The following PSD3 variants were observed in gnomAD, a reference collection of about 807,000 sequenced individuals.
The protein encoded by PSD3 is pleckstrin and Sec7 domain containing 3.
In PSD3, 49 loss-of-function variants were observed where a neutral mutation model predicts 105.5. The observed-to-expected ratio is 0.46, with a 90% CI of 0.37 to 0.59. The LOEUF (loss-of-function observed/expected upper bound fraction) is 0.59. PSD3 is among the 20% of genes least tolerant of loss of function. The pLI is 0.00. For synonymous variants in PSD3, 557 were observed against 457.8 expected (o/e 1.22, Z -2.77); for missense variants, 1,561 against 1,263.8 (o/e 1.24, Z -3.57).
chr8:18,628,772 G>A (rs1226100450), intron 11 of PSD3, among the ~76,000 whole-genome samples: 1 of 151,834 alleles, frequency 6.6e-6, no homozygotes, highest in Non-Finnish European at 1.5e-5. Context: ...AATTAAAGAT[G>A]TACACTGTAA....
At chr8:18,542,189 C>T (rs991265992) in intron 15 of PSD3, among the ~76,000 whole-genome samples, 10 of 152,162 alleles carry the variant, frequency 6.6e-5, no homozygotes, top group Non-Finnish European at 8.8e-5. Flanking sequence ...GGTCTCATTA[C>T]AATTCATTAC....
chr8:18,743,845 G>C (rs1039148739), intron 9 of PSD3, among the ~76,000 whole-genome samples: 1 of 151,606 alleles, frequency 6.6e-6, no homozygotes, highest in Admixed American at 6.6e-5. Flanking sequence ...GCTACTTTGA[G>C]GGGGGAGGTT....
At chr8:18,747,895 G>C (rs1805159758) in intron 9 of PSD3, among the ~76,000 whole-genome samples, 1 of 152,126 alleles carries the variant, frequency 6.6e-6, no homozygotes, top group African/African-American at 2.4e-5. Flanking sequence ...AGCACTTCAG[G>C]TTTCGGTGGA....
rs1054416283 is a variant in PSD3, at chr8:18,627,705, A to G, written c.2410+4908T>C. 8.5e-5 allele frequency among the ~76,000 whole-genome samples: 13 copies of G among 152,098 alleles called. No homozygotes were observed. The Middle Eastern group carries it at 0.01, about 119-fold the overall frequency. On this transcript the variant is annotated intron_variant, in intron 11 of 15. Transcript: ENST00000327040. ...GTTACTTACCCGCACACCAGGAGAA[A>G]ATCCAGTGTTTTTTTTAGATGAATA...
intron 1 of PSD3, among the ~76,000 whole-genome samples, chr8:18,971,096 G>GA (rs1459534841): frequency 2.0e-5 from 3 of 152,068 alleles, no homozygotes; most frequent in South Asian, 2.1e-4. Flanking sequence ...AGGCAGGAAT[G>GA]AAAAAACCCC....
At chr8:18,808,209 T>C (rs543742553) in intron 4 of PSD3, among the ~76,000 whole-genome samples, 135 of 152,346 alleles carry the variant, frequency 8.9e-4, no homozygotes, top group Non-Finnish European at 1.3e-3. Context: ...CTTGGAGTTG[T>C]GTTTCCATGT....
intron 1 of PSD3, among the ~76,000 whole-genome samples, chr8:19,051,267 T>G (rs1828519669): frequency 8.4e-6 from 1 of 119,254 alleles, no homozygotes; most frequent in South Asian, 2.9e-4. Flanking sequence ...CGTCCTTCAG[T>G]TCTCAGTTTC....
rs1799475259 is a variant in PSD3 at position 18,527,572 on chromosome 8, A to G, written c.*8171T>C. 2.6e-5 allele frequency: 4 copies of G among 152,642 alleles called. No homozygotes were observed. Among genetic ancestry groups the G allele is most frequent in the Admixed American group, 1.3e-4 (2 of 15,278 alleles). The allele number at this position is 152,642 out of a possible 1,614,324, so 9.5% of individuals were successfully genotyped here. A position where few individuals can be genotyped will look rare whatever the true frequency, so the allele number is the denominator to read the frequency against. On this transcript the variant is annotated 3_prime_UTR_variant, in exon 16 of 16. Coordinates refer to ENST00000327040, the MANE Select transcript of PSD3 (RefSeq NM_015310.4). ...TGACTCACTTGTCTACAAGGTTTAG[A>G]TTTACTTGAACAACAGTGAAATAGG...
At chr8:18,675,868 A>C (rs1800038460) in intron 9 of PSD3, among the ~76,000 whole-genome samples, 1 of 152,202 alleles carries the variant, frequency 6.6e-6, no homozygotes, top group Non-Finnish European at 1.5e-5. Context: ...ACTATGGATG[A>C]GTAAATAAAA....
chr8:18,796,393 G>C (rs1461575747), intron 8 of PSD3, among the ~76,000 whole-genome samples: 1 of 152,036 alleles, frequency 6.6e-6, no homozygotes, highest in East Asian at 1.9e-4. Context: ...ATTCACCTCT[G>C]ATCCTTACCC....
chr8:18,938,611 G>A (rs1038601312), intron 1 of PSD3, among the ~76,000 whole-genome samples: 9 of 111,524 alleles, frequency 8.1e-5, no homozygotes, highest in Admixed American at 1.1e-4. Flanking sequence ...CGACAAAAGC[G>A]AAAATCCGTC....
chr8:18,654,984 A>G (rs1421953765), intron 10 of PSD3, among the ~76,000 whole-genome samples: 2 of 152,172 alleles, frequency 1.3e-5, no homozygotes, highest in Non-Finnish European at 2.9e-5. Flanking sequence ...TTTGCAATAC[A>G]CACTATTCAT....
chr8:19,061,554 T>C (rs1828896089), intron 1 of PSD3, among the ~76,000 whole-genome samples: 1 of 152,036 alleles, frequency 6.6e-6, no homozygotes, highest in South Asian at 2.1e-4. Context: ...ACGCCTGTAA[T>C]CCCAGCACTT....
At chr8:19,074,601 ATATATATATATTT>A (rs1563546477) in intron 1 of PSD3, among the ~76,000 whole-genome samples, 1,689 of 54,642 alleles carry the variant, frequency 0.031, 93 homozygotes, top group African/African-American at 0.075. Context: ...ACATATATAT[ATATATATATATTT>A]TTTTTTTTTT....
chr8:18,673,621 C>T (rs149492705), intron 9 of PSD3, among the ~76,000 whole-genome samples: 4 of 152,154 alleles, frequency 2.6e-5, no homozygotes, highest in African/African-American at 9.7e-5. Flanking sequence ...TCCCTCTCCC[C>T]CTCTGCTCTA....
intron 1 of PSD3, among the ~76,000 whole-genome samples, chr8:19,007,593 T>C (rs1586619649): frequency 6.6e-6 from 1 of 152,024 alleles, no homozygotes; most frequent in Admixed American, 6.5e-5. Flanking sequence ...TTAGGTACTG[T>C]AGTTTCAGTA....
At position 18,575,171 on chromosome 8, in the gene PSD3, T is replaced by C; in HGVS notation, c.2596A>G (p.Lys866Glu). The C allele has an allele frequency of 6.2e-7, 1 of 1,613,862 alleles. No homozygotes were observed. Residue 866 changes from lysine to glutamate, a missense_variant, in exon 13 of 16, where the codon AAA becomes GAA. Transcript: ENST00000327040. ...ACCCTCCAGTCGGCAGTTTTAAGTT[T>C]AAACACGTTTGGTTTCTTCTCATAG... ...TDYEKKPNVFKLKTADWRVLL... is the reference protein window; with the variant it reads ...TDYEKKPNVFELKTADWRVLL...
At chr8:18,686,512 C>A (rs1005207388) in intron 9 of PSD3, among the ~76,000 whole-genome samples, 1 of 152,138 alleles carries the variant, frequency 6.6e-6, no homozygotes, top group Admixed American at 6.5e-5. Flanking sequence ...CGTATTTCTA[C>A]GTGGACAGAG....
At chr8:18,821,999 A>G (rs936064578) in intron 4 of PSD3, among the ~76,000 whole-genome samples, 1 of 152,072 alleles carries the variant, frequency 6.6e-6, no homozygotes, top group African/African-American at 2.4e-5. Flanking sequence ...CAGAGTCACA[A>G]TGCACCTTAG....
Sources: gnomAD v4.1 joint callset for allele counts (sites outside exome capture counted in the v4.1 genomes callset) on GRCh38, gnomAD v4.1.1 for gene constraint, MANE v1.5 for transcripts, NCBI Gene and HGNC (gene_info 2026-07-23, HGNC 2026-07-21) for gene names.